Variants in CPEB2 observed in about 807,000 individuals in gnomAD.
The protein encoded by CPEB2 is cytoplasmic polyadenylation element-binding protein 2.
A neutral mutation model predicts 93.6 loss-of-function variants in CPEB2; 56 were observed. That is an observed-to-expected ratio of 0.60 (90% CI 0.48 to 0.75). The LOEUF is 0.75. CPEB2 is among the 30% of genes least tolerant of loss of function. The pLI, the probability that CPEB2 is intolerant of heterozygous loss-of-function variation, is 0.00. For missense variants in CPEB2, 1,579 were observed against 1,395.1 expected, an observed-to-expected ratio of 1.13 and a Z score of -2.10; for synonymous variants, 764 against 586.3, an observed-to-expected ratio of 1.30 and a Z score of -4.38.
chr4:15,031,980 G>A (rs73797784), intron 4 of CPEB2, among the ~76,000 whole-genome samples: 2,314 of 152,254 alleles, frequency 0.015, 55 homozygotes, highest in African/African-American at 0.052. Flanking sequence ...CAGTTCATCT[G>A]TACTCCTTAC....
intron 9 of CPEB2, 54 bp downstream of exon 9, chr4:15,058,593 G>A: frequency 1.0e-6 from 1 of 966,174 alleles, no homozygotes. Flanking sequence ...TTCAAAAATT[G>A]TTTTGAAATG....
chr4:15,052,975 G>GC (rs1728370760), intron 7 of CPEB2, among the ~76,000 whole-genome samples: 1 of 151,594 alleles, frequency 6.6e-6, no homozygotes, highest in African/African-American at 2.4e-5. Flanking sequence ...GATAATATCT[G>GC]CAATGCTTGG....
At chr4:15,021,797 A>G (rs137925339) in intron 4 of CPEB2, among the ~76,000 whole-genome samples, 24 of 152,268 alleles carry the variant, frequency 1.6e-4, no homozygotes, top group African/African-American at 4.8e-4. Flanking sequence ...AAGTTTTTGT[A>G]TATCTAGTGT....
At chr4:15,052,952 G>C (rs1728368273) in intron 7 of CPEB2, among the ~76,000 whole-genome samples, 1 of 151,724 alleles carries the variant, frequency 6.6e-6, no homozygotes. Flanking sequence ...GAAATAAATG[G>C]AACCAACCAT....
chr4:15,026,198 C>A (rs1330156750), intron 4 of CPEB2, among the ~76,000 whole-genome samples: 5 of 150,426 alleles, frequency 3.3e-5, no homozygotes, highest in Non-Finnish European at 7.4e-5. Context: ...GAGCACTTTT[C>A]TTATTTTAGA....
At chr4:15,048,520 C>A (rs1156887116) in intron 6 of CPEB2, among the ~76,000 whole-genome samples, 1 of 151,796 alleles carries the variant, frequency 6.6e-6, no homozygotes, top group Non-Finnish European at 1.5e-5. Context: ...TAATAACATT[C>A]TTTTTAATCT....
intron 4 of CPEB2, among the ~76,000 whole-genome samples, chr4:15,029,371 G>A (rs562175041): frequency 1.3e-4 from 19 of 151,972 alleles, no homozygotes; most frequent in African/African-American, 3.9e-4. Context: ...CGTAATAGAC[G>A]AATAAGAAAA....
intron 1 of CPEB2, 120 bp from the exon 2 acceptor site, chr4:15,007,185 G>A: frequency 3.9e-6 from 3 of 762,442 alleles, no homozygotes; most frequent in Non-Finnish European, 5.8e-6. Context: ...ACCTAGAAAA[G>A]ATGTATTCTT....
chr4:15,013,463 T>C (rs1372615694), intron 3 of CPEB2, among the ~76,000 whole-genome samples: 2 of 152,056 alleles, frequency 1.3e-5, no homozygotes, highest in Admixed American at 6.6e-5. Flanking sequence ...TAATTAGTAT[T>C]GTTGCGTTCA....
At chr4:15,049,028 T>C (rs562058403) in intron 6 of CPEB2, among the ~76,000 whole-genome samples, 28 of 152,152 alleles carry the variant, frequency 1.8e-4, no homozygotes, top group African/African-American at 6.7e-4. Flanking sequence ...AAAAAAGCAG[T>C]CATTATTGTC....
In CPEB2 at chr4:15,004,296, C is replaced by T; in HGVS notation, c.1623C>T (p.Ala541=). 1 of 1,493,388 alleles carries T rather than the reference C, an allele frequency of 6.7e-7. No homozygotes were observed. Among genetic ancestry groups the T allele is most frequent in the Non-Finnish European group, 8.9e-7 (1 of 1,129,536 alleles). The allele number at this position is 1,493,388 out of a possible 1,614,324, so 92.5% of individuals were successfully genotyped here. The change falls in exon 1 of 12, where the codon GCC becomes GCT. Residue 541 remains alanine (A), a synonymous_variant. Coordinates refer to ENST00000538197, the MANE Select transcript of CPEB2 (RefSeq NM_001177382.2). ...AGCAGCAGCACCAGGCGGCGGCCGC[C>T]GCCTTCCTGCAGCAGAGGAACTCCT... ...QLQQQHQAAA[A]AFLQQRNSYN...
intron 6 of CPEB2, among the ~76,000 whole-genome samples, chr4:15,046,454 C>T (rs1727712679): frequency 6.6e-6 from 1 of 152,068 alleles, no homozygotes; most frequent in African/African-American, 2.4e-5. Flanking sequence ...TCAAACTCCT[C>T]ACCTCAGGTG....
In CPEB2 at chr4:15,062,103, G is replaced by A. The variant is rs201720957; in HGVS notation, c.2720G>A (p.Arg907Gln). The change falls in exon 11 of 12, where the codon CGG becomes CAG. Residue 907 changes from arginine to glutamine, a missense_variant. Physicochemically the swap from Arg to Gln is conservative, Grantham distance 43. Transcript: ENST00000538197. ...GTGGAACTTGCTATGATCATGGACC[G>A]GCTGTATGGTGGAGTTTGTTATGCA... is the stretch of plus-strand genomic sequence containing the variant. ...RAVELAMIMD[R>Q]LYGGVCYAGI... The A allele has an allele frequency of 2.6e-5, 42 of 1,608,898 alleles. No homozygotes were observed. Among genetic ancestry groups the A allele is most frequent in the South Asian group, 1.2e-4 (11 of 90,564 alleles).
intron 2 of CPEB2, 138 bp from the exon 3 acceptor site, chr4:15,008,200 G>GT (rs1723066375): frequency 2.1e-6 from 1 of 486,244 alleles, no homozygotes; most frequent in Non-Finnish European, 3.6e-6. Flanking sequence ...GTTTTGTTTT[G>GT]TTTTTTTCTT....
At position 15,003,102 on chromosome 4, in the gene CPEB2, T is replaced by C. The variant is rs1370767880; in HGVS notation, c.429T>C (p.Ser143=). Residue 143 remains serine, a synonymous_variant, in exon 1 of 12, where the codon AGT becomes AGC. Transcript: ENST00000538197. Reference sequence around the variant, plus strand: ...TCCCCTCCCAGGACTTCAAACCGAGTCTGCACCACCCCTCCTCCTCCTCCG... The same window carrying C: ...TCCCCTCCCAGGACTTCAAACCGAGCCTGCACCACCCCTCCTCCTCCTCCG... ...HLLPSQDFKP[S]LHHPSSSSAS... The C allele has an allele frequency of 5.2e-6, 8 of 1,531,308 alleles. No individual in the cohort carries two copies. The highest frequency in any genetic ancestry group is 2.5e-5 in the East Asian group (1 of 40,568). 94.9% of individuals were successfully genotyped at this position (1,531,308 alleles called of 1,614,324 possible).
In CPEB2 at chr4:15,003,626, A is replaced by C; in HGVS notation, c.953A>C (p.Asn318Thr). ...GCGCCGGGCTCCATGGAGTCCCCCAACCACCCTCTGCTCAACAGTCCCAGT... is the reference window on the plus strand; with the variant it reads ...GCGCCGGGCTCCATGGAGTCCCCCACCCACCCTCTGCTCAACAGTCCCAGT... ...NPAPGSMESP[N>T]HPLLNSPSNL... Residue 318 changes from asparagine (N) to threonine (T), a missense_variant, in exon 1 of 12, where the codon AAC becomes ACC. Asn to Thr is a moderately conservative substitution (Grantham distance 65, BLOSUM62 0). Transcript: ENST00000538197. 6.8e-7 allele frequency: 1 copy of C among 1,481,258 alleles called. No individual in the cohort carries two copies. Among genetic ancestry groups the C allele is most frequent in the Admixed American group, 2.3e-5 (1 of 44,354 alleles). 91.8% of individuals were successfully genotyped at this position (1,481,258 alleles called of 1,614,324 possible).
intron 6 of CPEB2, among the ~76,000 whole-genome samples, chr4:15,042,037 A>G (rs1727234272): frequency 6.6e-6 from 1 of 152,176 alleles, no homozygotes. Flanking sequence ...ACCTATTTTC[A>G]AATCTATGGA....
At chr4:15,016,728 CAAAA>C (rs886501516) in intron 3 of CPEB2, among the ~76,000 whole-genome samples, 16 of 151,980 alleles carry the variant, frequency 1.1e-4, no homozygotes, top group African/African-American at 3.6e-4. Context: ...TGTCAGATAA[CAAAA>C]TGTTTGATAG....
At chr4:15,036,491 A>C (rs1726623891) in intron 5 of CPEB2, among the ~76,000 whole-genome samples, 1 of 152,206 alleles carries the variant, frequency 6.6e-6, no homozygotes, top group African/African-American at 2.4e-5. Context: ...TTATATTTCT[A>C]AATGTATAAA....
Sources: gnomAD v4.1 joint callset for allele counts (sites outside exome capture counted in the v4.1 genomes callset) on GRCh38, gnomAD v4.1.1 for gene constraint, MANE v1.5 for transcripts, NCBI Gene and HGNC (gene_info 2026-07-23, HGNC 2026-07-21) for gene names.